CACNA2D3: variants seen among roughly 807,000 people sequenced by gnomAD.
CACNA2D3 encodes the protein calcium voltage-gated channel auxiliary subunit alpha2delta 3.
Under a neutral mutation model 160.6 loss-of-function variants are expected in CACNA2D3, and 60 were observed. The observed-to-expected ratio is 0.37, with a 90% CI of 0.30 to 0.46. CACNA2D3 has a LOEUF of 0.46. Among genes scored for constraint, CACNA2D3 ranks in the 20% least tolerant of loss-of-function variants. The pLI, the probability that CACNA2D3 is intolerant of heterozygous loss-of-function variation, is 1.00. For synonymous variants in CACNA2D3, 558 were observed against 492.9 expected, an observed-to-expected ratio of 1.13 and a Z score of -1.75; for missense variants, 1,205 against 1,365.0, an observed-to-expected ratio of 0.88 and a Z score of 1.85.
chr3:54,931,817 A>G (rs548000161), intron 27 of CACNA2D3, among the ~76,000 whole-genome samples: 28 of 152,320 alleles, frequency 1.8e-4, no homozygotes, highest in African/African-American at 6.7e-4. Flanking sequence ...TTAACCCTAC[A>G]ATAAAATTGA....
At chr3:54,822,790 C>CTTTCTTTCTTTTCTTTCTTT (rs1491160047) in intron 14 of CACNA2D3, among the ~76,000 whole-genome samples, 2 of 71,912 alleles carry the variant, frequency 2.8e-5, no homozygotes, top group African/African-American at 1.2e-4. Flanking sequence ...TTCTTTCTTT[C>CTTTCTTTCTTTTCTTTCTTT]CTTTCTTTCT....
chr3:54,871,529 C>A lies in CACNA2D3; in HGVS notation c.1627-10C>A. 6.2e-7 allele frequency: 1 copy of A among 1,602,142 alleles called. No homozygotes were observed. The highest frequency in any genetic ancestry group is 8.5e-7 in the Non-Finnish European group (1 of 1,169,614). ...TGTTTTTCTTTTCTTTTTCTTCTTC[C>A]CCTTGCTAGTACGAAGAAGGAAAAA... On this transcript the variant is annotated splice_polypyrimidine_tract_variant and intron_variant, in intron 17 of 37. Transcript: ENST00000474759.
intron 5 of CACNA2D3, among the ~76,000 whole-genome samples, chr3:54,516,820 T>TGCTA (rs1204630164): frequency 6.6e-6 from 1 of 152,192 alleles, no homozygotes; most frequent in African/African-American, 2.4e-5. Flanking sequence ...CTCTACTCAC[T>TGCTA]GCTATCAAAG....
intron 2 of CACNA2D3, among the ~76,000 whole-genome samples, chr3:54,141,084 T>TGTGTGTGTGTGTGTGTGC (rs1553731306): frequency 8.9e-6 from 1 of 112,380 alleles, no homozygotes; most frequent in Non-Finnish European, 1.8e-5. Context: ...TGTGTGTGTG[T>TGTGTGTGTGTGTGTGTGC]GTGCGCGCGC....
At chr3:54,448,608 G>T (rs1168645568) in intron 4 of CACNA2D3, among the ~76,000 whole-genome samples, 1 of 152,156 alleles carries the variant, frequency 6.6e-6, no homozygotes, top group Non-Finnish European at 1.5e-5. Context: ...GTGTCAATGT[G>T]CTAACAAGTG....
intron 4 of CACNA2D3, among the ~76,000 whole-genome samples, chr3:54,397,584 C>T (rs1699379818): frequency 7.3e-6 from 1 of 137,912 alleles, no homozygotes; most frequent in South Asian, 2.6e-4. Context: ...ACCCAGTAGT[C>T]ATTCAGGAGC....
chr3:54,350,968 G>GTTTTGTTTTTTT (rs1698543203), intron 3 of CACNA2D3, among the ~76,000 whole-genome samples: 2 of 56,106 alleles, frequency 3.6e-5, no homozygotes, highest in Non-Finnish European at 7.0e-5. Context: ...TCTTGAGTCT[G>GTTTTGTTTTTTT]TTTTTTTTTT....
intron 2 of CACNA2D3, among the ~76,000 whole-genome samples, chr3:54,171,136 C>T (rs1311830240): frequency 1.0e-3 from 63 of 62,546 alleles, no homozygotes; most frequent in East Asian, 1.3e-3. Context: ...AAGATGATGA[C>T]TTTTTTTTTT....
At chr3:54,229,316 C>T (rs1273209785) in intron 2 of CACNA2D3, among the ~76,000 whole-genome samples, 2 of 152,060 alleles carry the variant, frequency 1.3e-5, no homozygotes, top group Non-Finnish European at 2.9e-5. Flanking sequence ...CTCAGCCTCC[C>T]GAGTAGCTGG....
intron 2 of CACNA2D3, among the ~76,000 whole-genome samples, chr3:54,185,558 A>G (rs1469750530): frequency 6.6e-6 from 1 of 152,166 alleles, no homozygotes; most frequent in Non-Finnish European, 1.5e-5. Flanking sequence ...ATTCACGAAC[A>G]TATTATTCTA....
chr3:54,913,056 GT>G (rs1315526088), intron 27 of CACNA2D3, among the ~76,000 whole-genome samples: 8 of 152,082 alleles, frequency 5.3e-5, no homozygotes, highest in Non-Finnish European at 1.0e-4. Context: ...CCACTCATCT[GT>G]TTCAAGGTCA....
chr3:54,786,976 T>G (rs185069957), intron 13 of CACNA2D3, among the ~76,000 whole-genome samples: 1 of 152,228 alleles, frequency 6.6e-6, no homozygotes, highest in African/African-American at 2.4e-5. Flanking sequence ...CATGGAGATA[T>G]GGAAGCCATT....
intron 8 of CACNA2D3, among the ~76,000 whole-genome samples, chr3:54,579,275 T>C (rs1046899592): frequency 3.3e-5 from 5 of 152,292 alleles, no homozygotes; most frequent in African/African-American, 9.6e-5. Flanking sequence ...TGGAGGAAGG[T>C]GGCTGCAGCT....
intron 9 of CACNA2D3, among the ~76,000 whole-genome samples, chr3:54,587,546 ACT>A (rs1559519970): frequency 6.6e-6 from 1 of 152,092 alleles, no homozygotes; most frequent in Non-Finnish European, 1.5e-5. Context: ...ACAGAGCAAG[ACT>A]CTGTCTCAAA....
At chr3:54,926,563 C>T (rs1701027903) in intron 27 of CACNA2D3, among the ~76,000 whole-genome samples, 1 of 149,626 alleles carries the variant, frequency 6.7e-6, no homozygotes, top group Non-Finnish European at 1.5e-5. Context: ...CTCTGTTTTA[C>T]ATAACACTTT....
chr3:54,992,780 GAAAAA>G (rs5849065), intron 31 of CACNA2D3, among the ~76,000 whole-genome samples: 3 of 137,366 alleles, frequency 2.2e-5, no homozygotes, highest in African/African-American at 5.4e-5. Context: ...TGAACAACAA[GAAAAA>G]AAAAAAAAAG....
At chr3:54,198,724 C>T (rs991120184) in intron 2 of CACNA2D3, among the ~76,000 whole-genome samples, 6 of 152,252 alleles carry the variant, frequency 3.9e-5, no homozygotes, top group South Asian at 4.1e-4. Context: ...CCTCAGGCCC[C>T]GGGGGGTTAC....
chr3:54,568,255 A>G (rs1408888092), intron 6 of CACNA2D3, among the ~76,000 whole-genome samples: 1 of 152,210 alleles, frequency 6.6e-6, no homozygotes, highest in African/African-American at 2.4e-5. Context: ...TTGCACAATG[A>G]TTCAAATTCA....
chr3:55,059,730 G>T (rs1045887859), intron 35 of CACNA2D3, among the ~76,000 whole-genome samples: 1 of 152,166 alleles, frequency 6.6e-6, no homozygotes, highest in African/African-American at 2.4e-5. Context: ...GGACTTGAAG[G>T]ATGGTGGATA....
Sources: allele counts gnomAD v4.1 joint callset (sites outside exome capture counted in the v4.1 genomes callset), GRCh38; gene constraint gnomAD v4.1.1; transcripts MANE v1.5; gene names NCBI Gene and HGNC (gene_info 2026-07-23, HGNC 2026-07-21).